The following SLC24A2 variants were observed in gnomAD, a reference collection of about 807,000 sequenced individuals.
The protein encoded by SLC24A2 is sodium/potassium/calcium exchanger 2.
Under a neutral mutation model 62.0 loss-of-function variants are expected in SLC24A2, and 36 were observed. That is an observed-to-expected ratio of 0.58 (90% CI 0.44 to 0.77). SLC24A2 has a LOEUF of 0.77. SLC24A2 is among the 30% of genes least tolerant of loss of function. The pLI is 0.00. For missense variants in SLC24A2, 846 were observed against 817.9 expected (o/e 1.03, Z -0.42); for synonymous variants, 358 against 294.0 (o/e 1.22, Z -2.23).
chr9:19,996,224 G>C, the SLC24A2 span, among the ~76,000 whole-genome samples: 1 of 152,166 alleles, frequency 6.6e-6, no homozygotes, highest in Admixed American at 6.5e-5. Flanking sequence ...TGATTTTACT[G>C]TTCAGGGTAA....
At chr9:19,560,257 T>G (rs1835324459) in intron 7 of SLC24A2, among the ~76,000 whole-genome samples, 1 of 152,102 alleles carries the variant, frequency 6.6e-6, no homozygotes, top group Admixed American at 6.5e-5. Flanking sequence ...TCAACTCTGA[T>G]GTCAGTCCCT....
At chr9:19,776,410 T>C (rs1200269480) in intron 2 of SLC24A2, among the ~76,000 whole-genome samples, 3 of 152,198 alleles carry the variant, frequency 2.0e-5, no homozygotes, top group Non-Finnish European at 4.4e-5. Context: ...TTCAGAGTGT[T>C]GATGTAGTAA....
At chr9:20,039,322 G>A in the SLC24A2 span, among the ~76,000 whole-genome samples, 11 of 152,036 alleles carry the variant, frequency 7.2e-5, no homozygotes, top group Admixed American at 2.0e-4. Flanking sequence ...TGGGGCAGAT[G>A]AAGACGACCT....
rs140801257 is a variant in SLC24A2 at position 19,535,368 on chromosome 9, T to C, written c.1480-7230A>G. On this transcript the variant is annotated intron_variant, in intron 8 of 10. Coordinates refer to ENST00000341998, the MANE Select transcript of SLC24A2 (RefSeq NM_020344.4). ...GCTCTTTAGTTTAATGAGATCCCAG[T>C]TGCCAATTTTGGCTTTTGTTGCCAT... Among the ~76,000 whole-genome samples the C allele has an allele frequency of 1.4e-3, 215 of 152,368 alleles. 1 individual carries two copies. Among genetic ancestry groups the C allele is most frequent in the African/African-American group, 4.7e-3 (197 of 41,592 alleles).
At chr9:19,842,074 T>G in the SLC24A2 span, among the ~76,000 whole-genome samples, 195 of 152,322 alleles carry the variant, frequency 1.3e-3, 2 homozygotes, top group African/African-American at 4.5e-3. Context: ...GGTGACAGAT[T>G]GATTACATTA....
chr9:20,301,072 T>C, the SLC24A2 span, among the ~76,000 whole-genome samples: 1 of 152,214 alleles, frequency 6.6e-6, no homozygotes, highest in Non-Finnish European at 1.5e-5. Context: ...GCTCTTCCTC[T>C]ACCTCTTCTC....
intron 5 of SLC24A2, among the ~76,000 whole-genome samples, chr9:19,593,763 G>A (rs998745033): frequency 6.6e-6 from 1 of 151,972 alleles, no homozygotes; most frequent in Non-Finnish European, 1.5e-5. Context: ...CGGGGCTTTG[G>A]GGGGACACAG....
the SLC24A2 span, among the ~76,000 whole-genome samples, chr9:19,981,668 C>T: frequency 6.6e-6 from 1 of 152,154 alleles, no homozygotes; most frequent in Admixed American, 6.5e-5. Flanking sequence ...CAAGCTGTGT[C>T]ACTGGCTACA....
At chr9:20,107,074 T>C in the SLC24A2 span, among the ~76,000 whole-genome samples, 3 of 150,874 alleles carry the variant, frequency 2.0e-5, no homozygotes, top group Non-Finnish European at 3.0e-5. Flanking sequence ...CAGAGAGCCA[T>C]GAGTGAATTC....
chr9:20,200,073 A>T, the SLC24A2 span, among the ~76,000 whole-genome samples: 1 of 151,920 alleles, frequency 6.6e-6, no homozygotes, highest in Non-Finnish European at 1.5e-5. Flanking sequence ...TCCTTCAAAT[A>T]AGAAACAAAA....
At position 19,619,694 on chromosome 9, in the gene SLC24A2, T is replaced by A; in HGVS notation, c.970-2A>T. On this transcript the variant is annotated splice_acceptor_variant, in intron 3 of 10. Transcript: ENST00000341998. LOFTEE classifies it high-confidence loss of function. Reference sequence around the variant, plus strand: ...ACCTCGCTGGAGACGCGGCTTAGCCTGAGCAGAGAAACCAAAGAGATGGTT... The same window carrying A: ...ACCTCGCTGGAGACGCGGCTTAGCCAGAGCAGAGAAACCAAAGAGATGGTT... 2 of 1,610,524 alleles carry A rather than the reference T, an allele frequency of 1.2e-6. No individual in the cohort carries two copies. Among genetic ancestry groups the A allele is most frequent in the Non-Finnish European group, 1.7e-6 (2 of 1,176,828 alleles).
intron 2 of SLC24A2, among the ~76,000 whole-genome samples, chr9:19,760,527 C>A (rs769437672): frequency 6.6e-6 from 1 of 151,716 alleles, no homozygotes; most frequent in Non-Finnish European, 1.5e-5. Context: ...TGTCCCTGAC[C>A]CCCCCAACAG....
chr9:20,150,861 G>A, the SLC24A2 span, among the ~76,000 whole-genome samples: 1 of 151,870 alleles, frequency 6.6e-6, no homozygotes, highest in African/African-American at 2.4e-5. Flanking sequence ...GAGACAAAGA[G>A]AAGAACTGGA....
chr9:19,838,369 G>T, the SLC24A2 span, among the ~76,000 whole-genome samples: 16 of 151,782 alleles, frequency 1.1e-4, no homozygotes, highest in Non-Finnish European at 1.5e-4. Context: ...TAGCCATATG[G>T]AGAAAGCTGA....
the SLC24A2 span, among the ~76,000 whole-genome samples, chr9:19,848,950 C>A: frequency 2.6e-5 from 4 of 152,226 alleles, no homozygotes; most frequent in Non-Finnish European, 5.9e-5. Flanking sequence ...GCCCCAGGCA[C>A]TGGGGATACA....
intron 7 of SLC24A2, 56 bp from the exon 8 acceptor site, chr9:19,550,324 CA>C: frequency 1.3e-6 from 2 of 1,570,318 alleles, no homozygotes; most frequent in Non-Finnish European, 1.8e-6. Flanking sequence ...TGTACACAGG[CA>C]CAACAACAGG....
chr9:20,003,358 A>G, the SLC24A2 span, among the ~76,000 whole-genome samples: 3 of 152,176 alleles, frequency 2.0e-5, no homozygotes, highest in Non-Finnish European at 4.4e-5. Context: ...TGAGCATGCT[A>G]TTGTCAGAGA....
chr9:20,134,757 C>A, the SLC24A2 span, among the ~76,000 whole-genome samples: 48 of 152,286 alleles, frequency 3.2e-4, no homozygotes, highest in African/African-American at 1.2e-3. Context: ...GGCCACTAAA[C>A]AGTCTAGAAT....
At chr9:19,750,330 C>G (rs1458476633) in intron 2 of SLC24A2, among the ~76,000 whole-genome samples, 1 of 151,888 alleles carries the variant, frequency 6.6e-6, no homozygotes, top group African/African-American at 2.4e-5. Flanking sequence ...ACTCAACATG[C>G]TCAACACTCA....
Sources: allele counts gnomAD v4.1 joint callset (sites outside exome capture counted in the v4.1 genomes callset), GRCh38; gene constraint gnomAD v4.1.1; transcripts MANE v1.5; gene names NCBI Gene and HGNC (gene_info 2026-07-23, HGNC 2026-07-21).